The following PSD3 variants were observed in gnomAD, a reference collection of about 807,000 sequenced individuals.
PSD3 encodes the protein pleckstrin and Sec7 domain containing 3.
PSD3 carries 49 observed loss-of-function variants against 105.5 expected under a neutral mutation model. That is an observed-to-expected ratio of 0.46 (90% CI 0.37 to 0.59). The LOEUF (loss-of-function observed/expected upper bound fraction) is 0.59, where lower values mean the gene tolerates loss of function less well. Ranked by LOEUF, PSD3 falls within the 20% of genes least tolerant of loss-of-function variation. The probability of loss-of-function intolerance (pLI) is 0.00; values close to 1 mark genes in which losing one functional copy is unlikely to be tolerated. For missense variants in PSD3, 1,561 were observed against 1,263.8 expected (o/e 1.24, Z -3.57); for synonymous variants, 557 against 457.8 (o/e 1.22, Z -2.77).
chr8:18,687,836 G>C (rs1240144985), intron 9 of PSD3, among the ~76,000 whole-genome samples: 2 of 151,918 alleles, frequency 1.3e-5, no homozygotes, highest in Non-Finnish European at 1.5e-5. Flanking sequence ...GCATGATCTT[G>C]GCTGACTGTA....
At chr8:18,929,802 C>T (rs575173779) in intron 2 of PSD3, among the ~76,000 whole-genome samples, 19 of 151,304 alleles carry the variant, frequency 1.3e-4, no homozygotes, top group Non-Finnish European at 2.4e-4. Context: ...ATCCAGGAAA[C>T]AGAAGATAAT....
intron 4 of PSD3, among the ~76,000 whole-genome samples, chr8:18,838,791 G>C (rs975089622): frequency 6.8e-6 from 1 of 146,088 alleles, no homozygotes; most frequent in East Asian, 2.0e-4. Context: ...GACAGAGCGA[G>C]ACTCCGTCTC....
chr8:18,587,507 A>T (rs1046113639), intron 12 of PSD3, among the ~76,000 whole-genome samples: 18 of 152,124 alleles, frequency 1.2e-4, no homozygotes, highest in African/African-American at 4.3e-4. Flanking sequence ...CTCTTTGAAT[A>T]TGCCATATTC....
chr8:18,661,737 G>A (rs1809363618), intron 9 of PSD3, among the ~76,000 whole-genome samples: 1 of 152,132 alleles, frequency 6.6e-6, no homozygotes, highest in South Asian at 2.1e-4. Flanking sequence ...AAGCAGAGAT[G>A]CAAAAGGAGA....
chr8:19,037,980 G>A (rs1827999446), intron 1 of PSD3, among the ~76,000 whole-genome samples: 1 of 149,588 alleles, frequency 6.7e-6, no homozygotes, highest in African/African-American at 2.4e-5. Context: ...AATTTTAGGA[G>A]AAAATTTATA....
rs376359751 is a variant in PSD3 at position 18,846,727 on chromosome 8, C to T, written c.1634+20947G>A. 2.1e-4 allele frequency among the ~76,000 whole-genome samples: 32 copies of T among 152,252 alleles called. No homozygotes were observed. The South Asian group carries it at 5.4e-3, about 26-fold the overall frequency. On this transcript the variant is annotated intron_variant, in intron 4 of 15. Coordinates refer to ENST00000327040, the MANE Select transcript of PSD3 (RefSeq NM_015310.4). ...AAGTTGCAGGATGCACGGGAGGCGCCGGCAAAACCGACTGGTCTCAACTCC... is the reference window on the plus strand; with the variant it reads ...AAGTTGCAGGATGCACGGGAGGCGCTGGCAAAACCGACTGGTCTCAACTCC...
chr8:18,843,233 C>T (rs1040539110), intron 4 of PSD3, among the ~76,000 whole-genome samples: 3 of 151,492 alleles, frequency 2.0e-5, no homozygotes, highest in Admixed American at 6.6e-5. Context: ...CGGTGGCAGG[C>T]GCCTGTAGTC....
chr8:18,539,060 G>T (rs1244227061), intron 15 of PSD3, among the ~76,000 whole-genome samples: 2 of 152,174 alleles, frequency 1.3e-5, no homozygotes, highest in Non-Finnish European at 2.9e-5. Context: ...ATGTAGCTTT[G>T]CATTTTACCA....
At chr8:19,063,632 G>T (rs1828975484) in intron 1 of PSD3, among the ~76,000 whole-genome samples, 1 of 152,142 alleles carries the variant, frequency 6.6e-6, no homozygotes, top group Admixed American at 6.6e-5. Flanking sequence ...TCAATAGCGA[G>T]TATAGTAAAG....
chr8:18,694,139 GC>G (rs1471907365), intron 9 of PSD3, among the ~76,000 whole-genome samples: 53 of 152,282 alleles, frequency 3.5e-4, no homozygotes, highest in African/African-American at 1.3e-3. Context: ...ACCTACTCAA[GC>G]CTGAGGCACC....
chr8:18,642,793 A>AT (rs1807746123), intron 10 of PSD3, among the ~76,000 whole-genome samples: 1 of 152,258 alleles, frequency 6.6e-6, no homozygotes, highest in South Asian at 2.1e-4. Context: ...TCTCAATCTC[A>AT]TTATCAAGAG....
intron 4 of PSD3, among the ~76,000 whole-genome samples, chr8:18,843,701 G>T (rs1814840820): frequency 6.6e-6 from 1 of 152,142 alleles, no homozygotes; most frequent in South Asian, 2.1e-4. Flanking sequence ...TCTGGGCTTT[G>T]TGATTAAGGG....
chr8:18,768,116 CAAAAAAAAAAA>C (rs774203727), intron 8 of PSD3, among the ~76,000 whole-genome samples: 3 of 97,372 alleles, frequency 3.1e-5, no homozygotes, highest in Admixed American at 1.2e-4. Context: ...ACTGAAAATA[CAAAAAAAAAAA>C]AAAAAAAAAA....
At chr8:18,739,930 G>C (rs963653715) in intron 9 of PSD3, among the ~76,000 whole-genome samples, 8 of 152,130 alleles carry the variant, frequency 5.3e-5, no homozygotes, top group African/African-American at 1.9e-4. Context: ...GCTATCTTTA[G>C]AACATAAGTT....
chr8:18,628,061 A>C (rs1181600048), intron 11 of PSD3, among the ~76,000 whole-genome samples: 1 of 152,016 alleles, frequency 6.6e-6, no homozygotes, highest in Non-Finnish European at 1.5e-5. Flanking sequence ...ATGAAGAATA[A>C]AAACTATCAA....
intron 4 of PSD3, chr8:18,865,263 TATATATATATATATATATATATA>T (rs1563360318): frequency 0.09 from 616 of 6,842 alleles, 22 homozygotes; most frequent in African/African-American, 0.1. Context: ...TATATATATA[TATATATATATATATATATATATA>T]TTTTTTTTTT....
intron 8 of PSD3, among the ~76,000 whole-genome samples, chr8:18,787,117 G>A (rs1809241223): frequency 6.6e-6 from 1 of 152,112 alleles, no homozygotes; most frequent in Non-Finnish European, 1.5e-5. Context: ...TGATTTTGTG[G>A]CTCAAGGCTT....
chr8:18,949,138 C>T (rs1172450335), intron 1 of PSD3, among the ~76,000 whole-genome samples: 2 of 143,778 alleles, frequency 1.4e-5, no homozygotes, highest in East Asian at 2.1e-4. Flanking sequence ...AGGAGAATGG[C>T]GTGAACCCAG....
intron 2 of PSD3, among the ~76,000 whole-genome samples, chr8:18,923,788 A>G (rs1452211766): frequency 6.6e-6 from 1 of 152,094 alleles, no homozygotes; most frequent in Non-Finnish European, 1.5e-5. Flanking sequence ...TATACTTCAC[A>G]GTGTTAGATG....
Sources: gnomAD v4.1 joint callset for allele counts (sites outside exome capture counted in the v4.1 genomes callset) on GRCh38, gnomAD v4.1.1 for gene constraint, MANE v1.5 for transcripts, NCBI Gene and HGNC (gene_info 2026-07-23, HGNC 2026-07-21) for gene names.